The following MARVELD3 variants were observed in gnomAD, a reference collection of about 807,000 sequenced individuals.
MARVELD3 encodes the protein MARVEL domain-containing protein 3.
MARVELD3 carries 28 observed loss-of-function variants against 33.5 expected under a neutral mutation model. The ratio of observed to expected loss-of-function variants is 0.84; its 90% confidence interval spans 0.62 to 1.15. The LOEUF (loss-of-function observed/expected upper bound fraction) is 1.15. Ranked by LOEUF, MARVELD3 falls within the 50% of genes most tolerant of loss-of-function variation. The pLI is 0.00. For synonymous variants in MARVELD3, 241 were observed against 230.4 expected (o/e 1.05, Z -0.42); for missense variants, 582 against 547.6 (o/e 1.06, Z -0.63).
rs928807097 is a variant in MARVELD3 at position 71,635,499 on chromosome 16, T to G, written c.*696T>G. ...GCTCACACCTGTAATCCCAGAGCTT[T>G]GGGAGGCTGAGGTAGGAGGATTGCT... On this transcript the variant is annotated 3_prime_UTR_variant, in exon 3 of 3. Transcript: ENST00000268485. 27 of 985,026 alleles carry G rather than the reference T, an allele frequency of 2.7e-5. No homozygotes were observed. Among genetic ancestry groups the G allele is most frequent in the Non-Finnish European group, 3.1e-5 (26 of 829,916 alleles). The allele number at this position is 985,026 out of a possible 1,614,324, so 61.0% of individuals were successfully genotyped here.
At chr16:71,638,802 T>C (rs1456555164), downstream of MARVELD3, 10 of 152,194 alleles carry the variant, frequency 6.6e-5, no homozygotes, top group African/African-American at 9.7e-5. Flanking sequence ...CACATATGTA[T>C]GTGTTTGTAG....
At position 71,635,976 on chromosome 16, in the gene MARVELD3, A is replaced by G; in HGVS notation, c.*1173A>G. On this transcript the variant is annotated 3_prime_UTR_variant, in exon 3 of 3. Transcript: ENST00000268485. ...GCATTAAACCCAACATCTAGAATTC[A>G]GGATTCATCCAGAATAAAAGGATGT... 9 of 985,414 alleles carry G rather than the reference A, an allele frequency of 9.1e-6. No homozygotes were observed. The highest frequency in any genetic ancestry group is 9.6e-6 in the Non-Finnish European group (8 of 829,896). 61.0% of individuals were successfully genotyped at this position (985,414 alleles called of 1,614,324 possible). A position where few individuals can be genotyped will look rare whatever the true frequency, so the allele number is the denominator to read the frequency against.
In MARVELD3 at chr16:71,626,267, G is replaced by C; in HGVS notation, c.38G>C (p.Arg13Pro). 1 of 1,533,152 alleles carries C rather than the reference G, an allele frequency of 6.5e-7. No homozygotes were observed. The highest frequency in any genetic ancestry group is 1.2e-5 in the South Asian group (1 of 82,492). 95.0% of individuals were successfully genotyped at this position (1,533,152 alleles called of 1,614,324 possible). A position where few individuals can be genotyped will look rare whatever the true frequency, so the allele number is the denominator to read the frequency against. The change falls in exon 1 of 3, where the codon CGG becomes CCG. Residue 13 changes from arginine to proline, a missense_variant. Coordinates refer to ENST00000268485, the MANE Select transcript of MARVELD3 (RefSeq NM_052858.6). The surrounding 1 kb of genome is among the most constrained non-coding windows in gnomAD (Gnocchi z 5.3). ...DPSGAREPRA[R>P]PRERDPGRRP... ...TCGGGGGCTCGCGAGCCCCGGGCCC[G>C]GCCGAGAGAGCGGGACCCGGGACGG...
At chr16:71,639,339 G>A (rs1385069550), downstream of MARVELD3, 1 of 151,646 alleles carries the variant, frequency 6.6e-6, no homozygotes, top group Non-Finnish European at 1.5e-5. Flanking sequence ...CCAAAGTGCT[G>A]GGATTACAGG....
In MARVELD3 at chr16:71,634,413, G is replaced by A. The variant is rs1488766744; in HGVS notation, c.816G>A (p.Val272=). 2.8e-5 allele frequency: 46 copies of A among 1,614,202 alleles called. No homozygotes were observed. Among genetic ancestry groups the A allele is most frequent in the Non-Finnish European group, 3.6e-5 (43 of 1,180,034 alleles). ...AGCTAAAGCTGCCCATGGTCACTGTGGCAATGGCCTGTAGTGGAGCCCTCA... is the reference window on the plus strand; with the variant it reads ...AGCTAAAGCTGCCCATGGTCACTGTAGCAATGGCCTGTAGTGGAGCCCTCA... ...FYQLKLPMVT[V]AMACSGALTA... The change falls in exon 3 of 3, where the codon GTG becomes GTA. Residue 272 remains valine (V), a synonymous_variant. Transcript: ENST00000268485.
rs1473475456 is a variant in MARVELD3, at chr16:71,626,586, C to T, written c.357C>T (p.Ala119=). ...GCCAAAGCCGGACGCGGGACGGAGC[C>T]CGGGGACTGACCTGGGACGCAGCCG... is the stretch of plus-strand genomic sequence containing the variant. The part of the protein sequence containing the change: ...KPRQSRTRDG[A]RGLTWDAAAP... The change falls in exon 1 of 3, where the codon GCC becomes GCT. Residue 119 remains alanine, a synonymous_variant. Transcript: ENST00000268485. This position sits in a 1 kb window ranked among gnomAD's most constrained non-coding sequence, Gnocchi z 5.3. 1.4e-5 allele frequency: 22 copies of T among 1,545,098 alleles called. No homozygotes were observed. In the South Asian group the frequency reaches 2.4e-4, roughly 17 times the overall value.
intron 2 of MARVELD3, 148 bp downstream of exon 2, chr16:71,629,642 TAAAAAAAAAA>T (rs533759724): frequency 1.5e-5 from 5 of 324,940 alleles, no homozygotes; most frequent in Non-Finnish European, 2.6e-5. Context: ...CTTGTTTTCT[TAAAAAAAAAA>T]AAAAAAAAAA....
intron 1 of MARVELD3, chr16:71,629,161 G>A: frequency 1.9e-6 from 1 of 521,594 alleles, no homozygotes; most frequent in Non-Finnish European, 3.2e-6. Flanking sequence ...CACAGCATCT[G>A]TCACGTGGTT....
chr16:71,630,971 T>C (rs1045442078), intron 2 of MARVELD3, among the ~76,000 whole-genome samples: 5 of 152,200 alleles, frequency 3.3e-5, no homozygotes, highest in African/African-American at 9.7e-5. Context: ...ATCTGGTTTG[T>C]CTGGGTGAGA....
intron 1 of MARVELD3, among the ~76,000 whole-genome samples, chr16:71,627,503 C>CAAA (rs527720211): frequency 4.0e-5 from 4 of 100,434 alleles, no homozygotes; most frequent in African/African-American, 1.2e-4. Context: ...GACTCCGTCT[C>CAAA]AAAAAAAAAA....
intron 2 of MARVELD3, among the ~76,000 whole-genome samples, chr16:71,630,653 A>ATG (rs750589617): frequency 6.0e-4 from 91 of 151,220 alleles, no homozygotes; most frequent in Non-Finnish European, 1.0e-3. Context: ...AATAAAATAT[A>ATG]TGTATATATA....
At chr16:71,641,240 G>C, downstream of MARVELD3, 1 of 564,066 alleles carries the variant, frequency 1.8e-6, no homozygotes, top group Non-Finnish European at 3.1e-6. Flanking sequence ...ATCGCTTGAG[G>C]TCAGCAGATT....
At chr16:71,641,002 A>C (rs781508881), downstream of MARVELD3, 3 of 1,609,804 alleles carry the variant, frequency 1.9e-6, no homozygotes, top group South Asian at 1.1e-5. Context: ...GATGCACCGG[A>C]ATATCTGTGG....
chr16:71,632,765 C>T (rs1269840600), intron 2 of MARVELD3, among the ~76,000 whole-genome samples: 1 of 151,888 alleles, frequency 6.6e-6, no homozygotes, highest in Non-Finnish European at 1.5e-5. Flanking sequence ...GCATGCACCA[C>T]CACACCTGGC....
chr16:71,641,857 G>A (rs1416224137), exon 3 of MARVELD3: 6 of 152,170 alleles, frequency 3.9e-5, no homozygotes, highest in Admixed American at 6.5e-5. Context: ...GTGCTCCATA[G>A]AGTAGGTCTT....
At chr16:71,640,932 C>T (rs771428755), downstream of MARVELD3, 13 of 1,613,992 alleles carry the variant, frequency 8.1e-6, no homozygotes, top group South Asian at 5.5e-5. Flanking sequence ...GCTGGCCCTG[C>T]GTAGCTACCG....
At chr16:71,640,336 GC>G, downstream of MARVELD3, 1 of 1,586,150 alleles carries the variant, frequency 6.3e-7, no homozygotes, top group Non-Finnish European at 8.6e-7. Context: ...TATGTCTCTG[GC>G]TTGGCCTGGG....
rs2044565028 is a variant in MARVELD3 at position 71,634,547 on chromosome 16, A to G, written c.950A>G (p.Tyr317Cys). The change falls in exon 3 of 3, where the codon TAC becomes TGC. Residue 317 changes from tyrosine to cysteine, a missense_variant. Transcript: ENST00000268485. ...GLLDMLIAGG[Y>C]IPALYFYFHY... Reference sequence around the variant, plus strand: ...TTGGACATGCTCATCGCGGGGGGGTACATCCCGGCCTTGTACTTCTACTTC... The same window carrying G: ...TTGGACATGCTCATCGCGGGGGGGTGCATCCCGGCCTTGTACTTCTACTTC... 3.1e-6 allele frequency: 5 copies of G among 1,614,092 alleles called. No homozygotes were observed. Among genetic ancestry groups the G allele is most frequent in the Middle Eastern group, 3.3e-4 (2 of 6,060 alleles).
chr16:71,640,590 C>G (rs1380329568), downstream of MARVELD3: 3 of 1,614,240 alleles, frequency 1.9e-6, no homozygotes, highest in Non-Finnish European at 8.5e-7. Context: ...CCGCTCGCCC[C>G]TGATATACGG....
Sources: allele counts gnomAD v4.1 joint callset (sites outside exome capture counted in the v4.1 genomes callset), GRCh38; gene constraint gnomAD v4.1.1; non-coding constraint Gnocchi (gnomAD v3.1); transcripts MANE v1.5; gene names NCBI Gene and HGNC (gene_info 2026-07-23, HGNC 2026-07-21).